The following NFIB variants were observed in gnomAD, a reference collection of about 807,000 sequenced individuals.
NFIB encodes nuclear factor I B, also known as nuclear factor 1 B-type.
A neutral mutation model predicts 61.5 loss-of-function variants in NFIB; 11 were observed. That is an observed-to-expected ratio of 0.18 (90% CI 0.11 to 0.30). The LOEUF (loss-of-function observed/expected upper bound fraction) is 0.30, where lower values mean the gene tolerates loss of function less well. Ranked by LOEUF, NFIB falls within the 10% of genes least tolerant of loss-of-function variation. The pLI, the probability that NFIB is intolerant of heterozygous loss-of-function variation, is 1.00. For synonymous variants in NFIB, 260 were observed against 216.5 expected (o/e 1.20, Z -1.76); for missense variants, 471 against 608.9 (o/e 0.77, Z 2.38).
intron 2 of NFIB, among the ~76,000 whole-genome samples, chr9:14,290,458 T>C (rs1588153125): frequency 6.6e-6 from 1 of 152,018 alleles, no homozygotes; most frequent in African/African-American, 2.4e-5. Flanking sequence ...TTTCTCAGTT[T>C]ACCCTCACAA....
chr9:14,164,297 T>C (rs181082283), intron 3 of NFIB, among the ~76,000 whole-genome samples: 1 of 152,156 alleles, frequency 6.6e-6, no homozygotes, highest in Non-Finnish European at 1.5e-5. Flanking sequence ...AATTTCATGG[T>C]TGTATGAACA....
intron 10 of NFIB, among the ~76,000 whole-genome samples, chr9:14,089,294 GCAGTAAATGATAAGATTC>G (rs2033443910): frequency 6.6e-6 from 1 of 151,132 alleles, no homozygotes; most frequent in Non-Finnish European, 1.5e-5. Flanking sequence ...GGTGTTGGAG[GCAGTAAATGATAAGATTC>G]CAGCCTTACT....
chr9:14,229,148 C>A (rs2052807500), intron 2 of NFIB, among the ~76,000 whole-genome samples: 1 of 152,032 alleles, frequency 6.6e-6, no homozygotes, highest in Non-Finnish European at 1.5e-5. Context: ...TCTACATTCA[C>A]GTACAGGTAA....
At chr9:14,315,295 G>A (rs1323737559), upstream of NFIB, among the ~76,000 whole-genome samples, 1 of 151,144 alleles carries the variant, frequency 6.6e-6, no homozygotes, top group Non-Finnish European at 1.5e-5. Flanking sequence ...GCGGTTTGCC[G>A]CCCTCCCCGG....
chr9:14,439,563 C>A, the NFIB span, among the ~76,000 whole-genome samples: 1 of 152,184 alleles, frequency 6.6e-6, no homozygotes, highest in African/African-American at 2.4e-5. Context: ...ACTTTGGCCA[C>A]CCCAGATGTG....
chr9:14,411,693 G>A, the NFIB span, among the ~76,000 whole-genome samples: 2 of 152,054 alleles, frequency 1.3e-5, no homozygotes, highest in Admixed American at 1.3e-4. Context: ...ACCTAGACTG[G>A]ATGAGGATGA....
At chr9:14,125,798 A>G (rs756737114) in intron 6 of NFIB, 32 bp from the exon 7 acceptor site, 1 of 1,610,210 alleles carries the variant, frequency 6.2e-7, no homozygotes, top group Non-Finnish European at 8.5e-7. Flanking sequence ...CCAAAGCTCC[A>G]TGACTTTCTT....
At chr9:14,305,300 A>G (rs16931540) in intron 2 of NFIB, among the ~76,000 whole-genome samples, 15,097 of 152,176 alleles carry the variant, frequency 0.099, 1,823 homozygotes, top group African/African-American at 0.29. Flanking sequence ...AGTGGTTGCA[A>G]ATCTTCCCTC....
In NFIB at chr9:14,120,345, C is replaced by T; in HGVS notation, c.1245+95G>A. ...AAGATGGATTTCAAGGCTTGACGTT[C>T]TGCCAGACACACTGTCTGACTAACC... On this transcript the variant is annotated intron_variant, in intron 8 of 10. Coordinates refer to ENST00000380953, the MANE Select transcript of NFIB (RefSeq NM_001190737.2). The surrounding 1 kb of genome is among the most constrained non-coding windows in gnomAD (Gnocchi z 4.4). 7.6e-7 allele frequency: 1 copy of T among 1,321,314 alleles called. No homozygotes were observed. The highest frequency in any genetic ancestry group is 1.1e-6 in the Non-Finnish European group (1 of 920,916). 81.8% of individuals were successfully genotyped at this position (1,321,314 alleles called of 1,614,324 possible). A position where few individuals can be genotyped will look rare whatever the true frequency, so the allele number is the denominator to read the frequency against.
chr9:14,341,377 A>G (rs2132874871), intron 1 of NFIB, among the ~76,000 whole-genome samples: 1 of 152,312 alleles, frequency 6.6e-6, no homozygotes, highest in African/African-American at 2.4e-5. Flanking sequence ...AGTTTACAGA[A>G]AGGAGCCACA....
chr9:14,239,461 C>G (rs989162401), intron 2 of NFIB, among the ~76,000 whole-genome samples: 2 of 152,154 alleles, frequency 1.3e-5, no homozygotes, highest in African/African-American at 4.8e-5. Context: ...AGACACAATA[C>G]TCATTTCTGA....
chr9:14,147,204 T>C (rs2042361438), intron 5 of NFIB, among the ~76,000 whole-genome samples: 1 of 152,100 alleles, frequency 6.6e-6, no homozygotes, highest in South Asian at 2.1e-4. Flanking sequence ...TCATTGACAA[T>C]GCAATCCAAA....
At chr9:14,416,204 T>C in the NFIB span, among the ~76,000 whole-genome samples, 3 of 152,324 alleles carry the variant, frequency 2.0e-5, no homozygotes, top group Middle Eastern at 3.4e-3. Flanking sequence ...AATGGTCCCA[T>C]AGATTATAAC....
intron 6 of NFIB, among the ~76,000 whole-genome samples, chr9:14,140,330 C>A (rs1045464291): frequency 5.9e-5 from 9 of 152,282 alleles, no homozygotes; most frequent in Middle Eastern, 3.4e-3. Flanking sequence ...CTAGAGAAAT[C>A]TTGAGATTAT....
At chr9:14,514,284 G>C in the NFIB span, among the ~76,000 whole-genome samples, 1 of 150,042 alleles carries the variant, frequency 6.7e-6, no homozygotes, top group African/African-American at 2.5e-5. Context: ...TTCCTAACGC[G>C]TATTTTATCT....
intron 2 of NFIB, among the ~76,000 whole-genome samples, chr9:14,247,927 C>CT (rs1294629048): frequency 7.0e-6 from 1 of 143,882 alleles, no homozygotes; most frequent in Non-Finnish European, 1.5e-5. Flanking sequence ...CTAATTTTTT[C>CT]TTTTTTTCTT....
At chr9:14,276,574 C>A (rs2058016258) in intron 2 of NFIB, among the ~76,000 whole-genome samples, 1 of 152,066 alleles carries the variant, frequency 6.6e-6, no homozygotes, top group African/African-American at 2.4e-5. Flanking sequence ...TTACCTTTGC[C>A]ACTTCCTACA....
At position 14,285,993 on chromosome 9, in the gene NFIB, T is replaced by C. The variant is rs550842345; in HGVS notation, c.562+20996A>G. On this transcript the variant is annotated intron_variant, in intron 2 of 10. Coordinates refer to ENST00000380953, the MANE Select transcript of NFIB (RefSeq NM_001190737.2). Reference sequence around the variant, plus strand: ...AGATAGTACTCCTGATTTCCAACTTTTTGACTATTTCCAGGGCTCCTTCTA... The same window carrying C: ...AGATAGTACTCCTGATTTCCAACTTCTTGACTATTTCCAGGGCTCCTTCTA... Among the ~76,000 whole-genome samples, 5 of 151,350 alleles carry C rather than the reference T, an allele frequency of 3.3e-5. No homozygotes were observed. The South Asian group carries it at 1.0e-3, about 31-fold the overall frequency.
At chr9:14,291,419 A>C (rs1325188778) in intron 2 of NFIB, among the ~76,000 whole-genome samples, 1 of 152,184 alleles carries the variant, frequency 6.6e-6, no homozygotes, top group Non-Finnish European at 1.5e-5. Context: ...TGGGAGGTGG[A>C]GGTTGCAGTG....
Sources: allele counts gnomAD v4.1 joint callset (sites outside exome capture counted in the v4.1 genomes callset), GRCh38; gene constraint gnomAD v4.1.1; non-coding constraint Gnocchi (gnomAD v3.1); transcripts MANE v1.5; gene names NCBI Gene and HGNC (gene_info 2026-07-23, HGNC 2026-07-21).